AFF3: variants seen among roughly 807,000 people sequenced by gnomAD.
The protein encoded by AFF3 is AF4/FMR2 family member 3.
A neutral mutation model predicts 129.7 loss-of-function variants in AFF3; 32 were observed. That is an observed-to-expected ratio of 0.25 (90% CI 0.19 to 0.33). The LOEUF (loss-of-function observed/expected upper bound fraction) is 0.33, where lower values mean the gene tolerates loss of function less well. Among genes scored for constraint, AFF3 ranks in the 10% least tolerant of loss-of-function variants. The pLI, the probability that AFF3 is intolerant of heterozygous loss-of-function variation, is 1.00. For synonymous variants in AFF3, 644 were observed against 635.4 expected (o/e 1.01, Z -0.20); for missense variants, 1,373 against 1,592.0 (o/e 0.86, Z 2.34).
chr2:99,880,846 G>C (rs1364045703), intron 7 of AFF3, among the ~76,000 whole-genome samples: 1 of 152,162 alleles, frequency 6.6e-6, no homozygotes, highest in African/African-American at 2.4e-5. Context: ...GCAGTTGGAG[G>C]AGGCAAAGGA....
intron 15 of AFF3, among the ~76,000 whole-genome samples, chr2:99,589,223 T>C (rs1575439815): frequency 6.6e-6 from 1 of 152,116 alleles, no homozygotes; most frequent in African/African-American, 2.4e-5. Flanking sequence ...ACTGATTGAT[T>C]GATTCCTACA....
chr2:99,576,042 T>G (rs977117074), intron 18 of AFF3, among the ~76,000 whole-genome samples: 1 of 151,498 alleles, frequency 6.6e-6, no homozygotes, highest in African/African-American at 2.4e-5. Flanking sequence ...AGACATGATT[T>G]TTTTTTTTTT....
At chr2:100,132,850 T>A (rs902952631) in intron 1 of AFF3, among the ~76,000 whole-genome samples, 5 of 151,888 alleles carry the variant, frequency 3.3e-5, no homozygotes, top group Admixed American at 1.3e-4. Flanking sequence ...TTAAAAATTT[T>A]AAAAAATTGA....
At chr2:99,892,340 C>A (rs1693634636) in intron 7 of AFF3, among the ~76,000 whole-genome samples, 2 of 151,850 alleles carry the variant, frequency 1.3e-5, no homozygotes, top group South Asian at 4.2e-4. Context: ...AGATTTTTTC[C>A]CACATTCTAA....
chr2:99,743,687 G>A (rs779800277), intron 10 of AFF3, among the ~76,000 whole-genome samples: 4 of 152,108 alleles, frequency 2.6e-5, no homozygotes, highest in African/African-American at 4.8e-5. Flanking sequence ...ATACCCAGCC[G>A]GTTGTGACTT....
intron 7 of AFF3, among the ~76,000 whole-genome samples, chr2:99,915,986 A>G (rs1165830395): frequency 6.6e-6 from 1 of 152,228 alleles, no homozygotes; most frequent in Non-Finnish European, 1.5e-5. Context: ...AAAGTTTCTG[A>G]AAGACAAAGC....
intron 7 of AFF3, among the ~76,000 whole-genome samples, chr2:99,926,999 A>G (rs1696295367): frequency 6.6e-6 from 1 of 152,134 alleles, no homozygotes; most frequent in Non-Finnish European, 1.5e-5. Context: ...GAGACCAGCA[A>G]TCTCACACAG....
intron 7 of AFF3, among the ~76,000 whole-genome samples, chr2:99,880,290 G>C (rs1692613042): frequency 6.6e-6 from 1 of 152,204 alleles, no homozygotes; most frequent in Admixed American, 6.5e-5. Flanking sequence ...GCCTGGTTTT[G>C]TGTCACGCGC....
At chr2:99,903,120 G>T (rs1167713975) in intron 7 of AFF3, among the ~76,000 whole-genome samples, 1 of 152,040 alleles carries the variant, frequency 6.6e-6, no homozygotes, top group Non-Finnish European at 1.5e-5. Flanking sequence ...TTATGTAATT[G>T]TACCATTACA....
chr2:99,746,017 G>T (rs1477461986), intron 9 of AFF3, among the ~76,000 whole-genome samples: 1 of 151,840 alleles, frequency 6.6e-6, no homozygotes, highest in Non-Finnish European at 1.5e-5. Flanking sequence ...TACATACTGG[G>T]TACAATGTAC....
intron 8 of AFF3, among the ~76,000 whole-genome samples, chr2:99,821,907 G>A (rs1381860684): frequency 6.6e-6 from 1 of 152,176 alleles, no homozygotes; most frequent in Non-Finnish European, 1.5e-5. Context: ...CACCAATGAA[G>A]AAACAAAGGC....
At chr2:99,927,063 C>G (rs1341014613) in intron 7 of AFF3, among the ~76,000 whole-genome samples, 1 of 152,126 alleles carries the variant, frequency 6.6e-6, no homozygotes, top group African/African-American at 2.4e-5. Context: ...AGAGCCTGGA[C>G]TCCTACCTCC....
intron 13 of AFF3, among the ~76,000 whole-genome samples, chr2:99,636,832 G>A (rs1683706756): frequency 6.6e-6 from 1 of 152,194 alleles, no homozygotes; most frequent in South Asian, 2.1e-4. Flanking sequence ...CCACGGGGGA[G>A]CTTATCAGGC....
intron 7 of AFF3, among the ~76,000 whole-genome samples, chr2:100,001,051 G>A (rs1044895112): frequency 2.6e-5 from 4 of 152,216 alleles, no homozygotes; most frequent in African/African-American, 7.2e-5. Flanking sequence ...CCCCAGGTGC[G>A]GAGCTCAGGC....
chr2:99,592,940 C>G (rs1252377790), intron 15 of AFF3, among the ~76,000 whole-genome samples: 3 of 93,630 alleles, frequency 3.2e-5, no homozygotes, highest in Non-Finnish European at 6.7e-5. Context: ...CCTCCCCCCC[C>G]CCCAAAAAAA....
intron 7 of AFF3, among the ~76,000 whole-genome samples, chr2:99,966,238 G>C (rs918230323): frequency 4.6e-5 from 7 of 152,060 alleles, no homozygotes; most frequent in African/African-American, 1.7e-4. Context: ...GGACTTAATA[G>C]GTTTGTACTT....
intron 4 of AFF3, among the ~76,000 whole-genome samples, chr2:100,073,434 G>C (rs1573343372): frequency 2.0e-5 from 3 of 152,288 alleles, no homozygotes; most frequent in Admixed American, 6.5e-5. Flanking sequence ...CCCTCAGAGG[G>C]AACCAGCCTT....
chr2:99,743,870 C>T (rs1314188155), intron 10 of AFF3, among the ~76,000 whole-genome samples: 2 of 152,136 alleles, frequency 1.3e-5, no homozygotes, highest in African/African-American at 4.8e-5. Flanking sequence ...CTTGGGATGG[C>T]TTTGAAATTC....
At chr2:99,553,561 A>G (rs1674604560) in intron 24 of AFF3, among the ~76,000 whole-genome samples, 2 of 152,166 alleles carry the variant, frequency 1.3e-5, no homozygotes, top group African/African-American at 4.8e-5. Flanking sequence ...TATATATCTT[A>G]AGAGAATCTG....
Sources: allele counts gnomAD v4.1 joint callset (sites outside exome capture counted in the v4.1 genomes callset), GRCh38; gene constraint gnomAD v4.1.1; transcripts MANE v1.5; gene names NCBI Gene and HGNC (gene_info 2026-07-23, HGNC 2026-07-21).